The following PDGFD variants were observed in gnomAD, a reference collection of about 807,000 sequenced individuals.
PDGFD encodes the protein platelet derived growth factor D.
In PDGFD, 30 loss-of-function variants were observed where a neutral mutation model predicts 44.7. The ratio of observed to expected loss-of-function variants is 0.67; its 90% CI spans 0.50 to 0.91. The LOEUF is 0.91. Among genes scored for constraint, PDGFD ranks in the 40% least tolerant of loss-of-function variants. PDGFD has a pLI of 0.00. For missense variants in PDGFD, 445 were observed against 457.8 expected (o/e 0.97, Z 0.25); for synonymous variants, 173 against 168.4 (o/e 1.03, Z -0.21).
At chr11:104,057,514 AG>A (rs1245980222) in intron 1 of PDGFD, among the ~76,000 whole-genome samples, 2 of 152,124 alleles carry the variant, frequency 1.3e-5, no homozygotes, top group Non-Finnish European at 2.9e-5. Context: ...ACAGAAAATG[AG>A]GACTACTAGA....
chr11:103,940,099 G>T (rs527554453), intron 5 of PDGFD, among the ~76,000 whole-genome samples: 1 of 151,744 alleles, frequency 6.6e-6, no homozygotes, highest in Non-Finnish European at 1.5e-5. Flanking sequence ...CTGTTCTTTT[G>T]CATTCGCCAT....
At chr11:104,023,760 T>C (rs1056683931) in intron 1 of PDGFD, among the ~76,000 whole-genome samples, 5 of 152,142 alleles carry the variant, frequency 3.3e-5, no homozygotes, top group African/African-American at 7.2e-5. Context: ...AACTATCAGA[T>C]GGAATTTTAC....
chr11:104,011,166 A>G (rs953330710), intron 1 of PDGFD, among the ~76,000 whole-genome samples: 1 of 151,936 alleles, frequency 6.6e-6, no homozygotes, highest in Non-Finnish European at 1.5e-5. Context: ...TGTGGATCAG[A>G]GGCAATGATC....
chr11:103,921,553 A>T (rs1373268296), intron 6 of PDGFD, among the ~76,000 whole-genome samples: 1 of 152,012 alleles, frequency 6.6e-6, no homozygotes, highest in Non-Finnish European at 1.5e-5. Context: ...GAGGTTAAAA[A>T]TATTTTAAGT....
At chr11:104,049,489 G>T (rs1175969774) in intron 1 of PDGFD, among the ~76,000 whole-genome samples, 1 of 152,090 alleles carries the variant, frequency 6.6e-6, no homozygotes, top group Non-Finnish European at 1.5e-5. Context: ...AAGTGTTATG[G>T]CTTTTAGGGG....
At chr11:103,911,306 G>A (rs1591071813) in intron 6 of PDGFD, among the ~76,000 whole-genome samples, 2 of 152,256 alleles carry the variant, frequency 1.3e-5, no homozygotes, top group East Asian at 3.9e-4. Flanking sequence ...CTCCCATTAG[G>A]GGCCAATAGA....
At chr11:104,064,829 A>C (rs1250522942) in intron 1 of PDGFD, among the ~76,000 whole-genome samples, 1 of 152,202 alleles carries the variant, frequency 6.6e-6, no homozygotes, top group Non-Finnish European at 1.5e-5. Flanking sequence ...GCAAATTAAC[A>C]ATACATAGTT....
Position 103,989,288 on chromosome 11 carries a change from A to T in PDGFD, c.510+6777T>A, listed in dbSNP as rs532828072. Reference sequence around the variant, plus strand: ...TAGAATATTTGTGAAATAGTGAATAAGAACACCTATATAACCCTGCCTATA... The same window carrying T: ...TAGAATATTTGTGAAATAGTGAATATGAACACCTATATAACCCTGCCTATA... On this transcript the variant is annotated intron_variant, in intron 3 of 6. Coordinates refer to ENST00000393158, the MANE Select transcript of PDGFD (RefSeq NM_025208.5). 1.8e-3 allele frequency among the ~76,000 whole-genome samples: 268 copies of T among 152,348 alleles called. 2 individuals are homozygous for T. The highest frequency in any genetic ancestry group is 3.4e-3 in the Middle Eastern group (1 of 294).
Position 104,163,854 on chromosome 11 carries a change from G to A in PDGFD, c.74C>T (p.Pro25Leu). 1.9e-6 allele frequency: 3 copies of A among 1,577,418 alleles called. No homozygotes were observed. Among genetic ancestry groups the A allele is most frequent in the Non-Finnish European group, 2.6e-6 (3 of 1,153,206 alleles). The stretch of plus-strand genomic sequence containing the variant: ...CAAAGCTTTGATGGATGCGCTCTGC[G>A]GGGTTGCAGAAGTGTCCCGACAGCT... ...FCSCRDTSATPQSASIKALRN... is the reference protein window; with the variant it reads ...FCSCRDTSATLQSASIKALRN... Residue 25 changes from proline to leucine, a missense_variant, in exon 1 of 7, where the codon CCG becomes CTG. By Grantham distance (98) the Pro-to-Leu change is moderately conservative. Transcript: ENST00000393158.
chr11:104,074,365 C>A (rs1437664097), intron 1 of PDGFD, among the ~76,000 whole-genome samples: 1 of 152,168 alleles, frequency 6.6e-6, no homozygotes, highest in Non-Finnish European at 1.5e-5. Context: ...TGGCAATGGG[C>A]AAGTGATACA....
At chr11:103,926,467 TC>T (rs1858316515) in intron 6 of PDGFD, among the ~76,000 whole-genome samples, 1 of 152,212 alleles carries the variant, frequency 6.6e-6, no homozygotes, top group South Asian at 2.1e-4. Context: ...AATAAAAAGA[TC>T]TTTGACAATT....
chr11:103,938,565 C>A (rs1381725648), intron 5 of PDGFD, among the ~76,000 whole-genome samples: 1 of 152,070 alleles, frequency 6.6e-6, no homozygotes, highest in Non-Finnish European at 1.5e-5. Flanking sequence ...TTAATTAGAT[C>A]CCATTTGTCA....
In PDGFD at chr11:103,937,815, G is replaced by A. The variant is rs550683503; in HGVS notation, c.772+5637C>T. Among the ~76,000 whole-genome samples, 4 of 149,526 alleles carry A rather than the reference G, an allele frequency of 2.7e-5. No homozygotes were observed. In the East Asian group the frequency reaches 8.0e-4, roughly 30 times the overall value. ...GAGAACATGCGGTGTTTGGTTTTTT[G>A]TCCTTGTGATAGTTTGCTGAGAATG... is the stretch of plus-strand genomic sequence containing the variant. On this transcript the variant is annotated intron_variant, in intron 5 of 6. Transcript: ENST00000393158.
At chr11:104,075,812 T>G (rs1194086731) in intron 1 of PDGFD, among the ~76,000 whole-genome samples, 3 of 152,176 alleles carry the variant, frequency 2.0e-5, no homozygotes, top group Non-Finnish European at 4.4e-5. Flanking sequence ...AGCTCCAGAA[T>G]GATTTCCCCA....
intron 5 of PDGFD, among the ~76,000 whole-genome samples, chr11:103,938,615 A>G (rs1858531824): frequency 6.6e-6 from 1 of 152,182 alleles, no homozygotes; most frequent in African/African-American, 2.4e-5. Flanking sequence ...TGTTTTAGAC[A>G]TGAAGTCCTT....
chr11:103,937,749 T>G (rs1185081125), intron 5 of PDGFD, among the ~76,000 whole-genome samples: 1 of 133,482 alleles, frequency 7.5e-6, no homozygotes, highest in Non-Finnish European at 1.5e-5. Flanking sequence ...TTCCCCTTCC[T>G]GTGTCCATGT....
chr11:103,999,543 CG>C lies in PDGFD; in HGVS notation c.329+507del, dbSNP rs570374737. The stretch of plus-strand genomic sequence containing the variant: ...GGTGAGCTTTCTCTTCCTTCCCACC[CG>C]TATCTGAGGCCTTAACACTATGAAT... On this transcript the variant is annotated intron_variant, in intron 2 of 6. Transcript: ENST00000393158. Among the ~76,000 whole-genome samples, 227 of 152,270 alleles carry C rather than the reference CG, an allele frequency of 1.5e-3. 4 individuals are homozygous for C. Among genetic ancestry groups the C allele is most frequent in the African/African-American group, 5.2e-3 (217 of 41,550 alleles).
intron 4 of PDGFD, chr11:103,945,744 A>G (rs1858659396): frequency 6.6e-6 from 1 of 152,246 alleles, no homozygotes; most frequent in African/African-American, 2.4e-5. Context: ...GTACACAGAC[A>G]TCTCTCTCAG....
At chr11:103,999,300 G>A (rs1308922736) in intron 2 of PDGFD, among the ~76,000 whole-genome samples, 4 of 150,460 alleles carry the variant, frequency 2.7e-5, no homozygotes, top group Non-Finnish European at 5.9e-5. Flanking sequence ...AGTGTGTGCA[G>A]TAAAGTACAA....
Sources: gnomAD v4.1 joint callset for allele counts (sites outside exome capture counted in the v4.1 genomes callset) on GRCh38, gnomAD v4.1.1 for gene constraint, MANE v1.5 for transcripts, NCBI Gene and HGNC (gene_info 2026-07-23, HGNC 2026-07-21) for gene names.